Variants in TLE3 observed in about 807,000 individuals in gnomAD.
TLE3 encodes the protein TLE family member 3, transcriptional corepressor.
A neutral mutation model predicts 93.0 loss-of-function variants in TLE3; 14 were observed. The observed-to-expected ratio is 0.15, with a 90% CI of 0.10 to 0.24. The LOEUF is 0.24. Ranked by LOEUF, TLE3 falls within the 10% of genes least tolerant of loss-of-function variation. The probability of loss-of-function intolerance (pLI) is 1.00; values close to 1 mark genes in which losing one functional copy is unlikely to be tolerated. For missense variants in TLE3, 693 were observed against 1,046.6 expected (o/e 0.66, Z 4.66); for synonymous variants, 451 against 425.0 (o/e 1.06, Z -0.75).
chr15:70,096,105 C>T, intron 2 of TLE3, 56 bp downstream of exon 2: 1 of 1,367,736 alleles, frequency 7.3e-7, no homozygotes, highest in Non-Finnish European at 9.5e-7. Flanking sequence ...TGGCAGGAGC[C>T]GCGCAGGGGA....
chr15:70,068,562 G>A (rs889014859), intron 6 of TLE3, among the ~76,000 whole-genome samples: 5 of 152,308 alleles, frequency 3.3e-5, no homozygotes, highest in African/African-American at 9.6e-5. Flanking sequence ...ATTTTATAGT[G>A]CAGAGCCAAT....
chr15:70,082,331 G>A (rs2057817388), intron 4 of TLE3, among the ~76,000 whole-genome samples: 1 of 152,028 alleles, frequency 6.6e-6, no homozygotes, highest in Non-Finnish European at 1.5e-5. Flanking sequence ...ATCCATGGGG[G>A]GGCCGGGGGA....
chr15:70,094,462 G>C (rs531539751), intron 4 of TLE3, 70 bp downstream of exon 4: 3 of 1,196,956 alleles, frequency 2.5e-6, no homozygotes, highest in East Asian at 5.1e-5. Context: ...AAACAAGAGA[G>C]AACATAAGAA....
intron 6 of TLE3, among the ~76,000 whole-genome samples, chr15:70,072,155 T>C (rs1366258032): frequency 6.6e-6 from 1 of 152,216 alleles, no homozygotes; most frequent in Non-Finnish European, 1.5e-5. Context: ...GCCCCACTCG[T>C]TGGCTTTAAT....
chr15:70,062,393 G>T (rs985896454), intron 8 of TLE3, among the ~76,000 whole-genome samples: 2 of 152,184 alleles, frequency 1.3e-5, no homozygotes, highest in African/African-American at 4.8e-5. Context: ...AGGGGAGGGG[G>T]CGTGCGGCTG....
intron 14 of TLE3, chr15:70,055,546 CACAGGTGTCCTGG>C: frequency 2.3e-6 from 1 of 426,196 alleles, no homozygotes; most frequent in Non-Finnish European, 4.0e-6. Context: ...ACCAGAAACC[CACAGGTGTCCTGG>C]AATGCCCTTT....
Position 70,096,218 on chromosome 15 carries a change from G to T in TLE3, c.68C>A (p.Ala23Asp). The T allele has an allele frequency of 6.4e-7, 1 of 1,561,256 alleles. No homozygotes were observed. The highest frequency in any genetic ancestry group is 8.7e-7 in the Non-Finnish European group (1 of 1,152,480). Residue 23 changes from alanine to aspartate, a missense_variant, in exon 2 of 20, where the codon GCT (alanine) becomes GAT (aspartate). By Grantham distance (126) the Ala-to-Asp change is moderately radical. This residue lies in a region of TLE3 where 104 missense variants were observed against 173.8 expected (regional missense o/e 0.60). Transcript: ENST00000451782. ...GTCTTTGATCCTGTCACAAGACTCA[G>T]CCACCGTGAATTTAAATCCCGGCTG... The part of the protein sequence containing the change: ...PGQPGFKFTV[A>D]ESCDRIKDEF...
chr15:70,082,121 C>T (rs1306205837), intron 4 of TLE3, among the ~76,000 whole-genome samples: 1 of 152,164 alleles, frequency 6.6e-6, no homozygotes, highest in Non-Finnish European at 1.5e-5. Context: ...CAGCCAGGCG[C>T]CAATCACCCA....
chr15:70,074,690 C>G (rs2057354679), intron 5 of TLE3, 83 bp from the exon 6 acceptor site: 1 of 1,201,746 alleles, frequency 8.3e-7, no homozygotes, highest in Non-Finnish European at 1.2e-6. Context: ...GGCAGGGCCT[C>G]TCGGAGAGGC....
chr15:70,094,670 T>C (rs537467073), intron 3 of TLE3, 94 bp from the exon 4 acceptor site: 3 of 910,528 alleles, frequency 3.3e-6, no homozygotes, highest in African/African-American at 1.7e-5. Flanking sequence ...GGCCAAATCA[T>C]ACTTTTACGA....
intron 4 of TLE3, among the ~76,000 whole-genome samples, chr15:70,086,860 C>A (rs774515291): frequency 1.7e-4 from 26 of 151,232 alleles, no homozygotes; most frequent in Non-Finnish European, 3.4e-4. Context: ...TCTCTTCGCA[C>A]CCCCACCCTG....
chr15:70,064,409 C>T (rs971590539), intron 8 of TLE3, 45 bp downstream of exon 8: 1 of 1,612,000 alleles, frequency 6.2e-7, no homozygotes. Context: ...CCACCTCCTC[C>T]CAGCACCCAA....
intron 9 of TLE3, 38 bp from the exon 10 acceptor site, chr15:70,059,498 C>T (rs1352742738): frequency 6.3e-7 from 1 of 1,582,818 alleles, no homozygotes; most frequent in Non-Finnish European, 8.6e-7. Flanking sequence ...CAGTAAGAGG[C>T]CACACTTTCC....
chr15:70,063,776 T>C (rs548125469), intron 8 of TLE3, among the ~76,000 whole-genome samples: 1 of 152,306 alleles, frequency 6.6e-6, no homozygotes, highest in African/African-American at 2.4e-5. Context: ...ATCAGAAAGA[T>C]TTACAACAAA....
At chr15:70,050,419 T>C in intron 19 of TLE3, 1 of 479,352 alleles carries the variant, frequency 2.1e-6, no homozygotes, top group Non-Finnish European at 3.8e-6. Flanking sequence ...CAGGTAGAGC[T>C]CCCCTCCCAC....
chr15:70,081,654 C>G (rs1342399999), intron 4 of TLE3, among the ~76,000 whole-genome samples: 1 of 152,214 alleles, frequency 6.6e-6, no homozygotes, highest in Non-Finnish European at 1.5e-5. Flanking sequence ...GTGAGACAGG[C>G]AAGCGGCCAT....
intron 8 of TLE3, among the ~76,000 whole-genome samples, chr15:70,062,834 CA>C (rs1209645107): frequency 1.3e-5 from 2 of 152,220 alleles, no homozygotes; most frequent in African/African-American, 4.8e-5. Context: ...TGCCTCTGCC[CA>C]GCATCTTGAT....
At chr15:70,052,277 A>G (rs3743310) in intron 18 of TLE3, 97 bp downstream of exon 18, 657,074 of 1,494,796 alleles carry the variant, frequency 0.44, 147,652 homozygotes, top group Middle Eastern at 0.58. Flanking sequence ...GGCCTAGCTT[A>G]TTCTATAAGC....
chr15:70,052,644 A>G (rs1327081722), intron 17 of TLE3, 120 bp from the exon 18 acceptor site: 1 of 1,176,418 alleles, frequency 8.5e-7, no homozygotes, highest in East Asian at 2.6e-5. Flanking sequence ...CACCCACCCA[A>G]TAACCCAGGA....
Sources: allele counts gnomAD v4.1 joint callset (sites outside exome capture counted in the v4.1 genomes callset), GRCh38; gene constraint gnomAD v4.1.1; regional missense constraint gnomAD v4.1.1; transcripts MANE v1.5; gene names NCBI Gene and HGNC (gene_info 2026-07-23, HGNC 2026-07-21).